The following XRN2 variants were observed in gnomAD, a reference collection of about 807,000 sequenced individuals.
The protein encoded by XRN2 is DHM1-like protein.
In XRN2, 44 loss-of-function variants were observed where a neutral mutation model predicts 138.5. The observed-to-expected ratio is 0.32, with a 90% CI of 0.25 to 0.41. The LOEUF (loss-of-function observed/expected upper bound fraction) is 0.41, where lower values mean the gene tolerates loss of function less well. Among genes scored for constraint, XRN2 ranks in the 10% least tolerant of loss-of-function variants. XRN2 has a pLI of 1.00. For missense variants in XRN2, 937 were observed against 1,169.3 expected (o/e 0.80, Z 2.90); for synonymous variants, 354 against 369.4 (o/e 0.96, Z 0.48).
Position 21,326,477 on chromosome 20 carries a change from G to T in XRN2, c.204-13G>T, listed in dbSNP as rs759547235. The T allele has an allele frequency of 4.1e-5, 66 of 1,613,736 alleles. No individual in the cohort carries two copies. Among genetic ancestry groups the T allele is most frequent in the Non-Finnish European group, 5.4e-5 (64 of 1,179,894 alleles). ...ACATTATATTATATTACATTGTTTGGTTGTCATTATAGACCAGCACCAAAA... is the reference window on the plus strand; with the variant it reads ...ACATTATATTATATTACATTGTTTGTTTGTCATTATAGACCAGCACCAAAA... On this transcript the variant is annotated splice_polypyrimidine_tract_variant and intron_variant, in intron 2 of 29. Transcript: ENST00000377191.
chr20:21,326,534 A>G lies in XRN2; in HGVS notation c.248A>G (p.Glu83Gly), dbSNP rs200799558. 9.9e-6 allele frequency: 16 copies of G among 1,614,008 alleles called. No individual in the cohort carries two copies. The highest frequency in any genetic ancestry group is 8.8e-5 in the South Asian group (8 of 91,080). The change falls in exon 3 of 30, where the codon GAG (glutamate) becomes GGG (glycine). Residue 83 changes from glutamate (E) to glycine (G), a missense_variant. Around this residue, in one of 6 missense-constraint regions of XRN2, gnomAD observed 51 missense variants for 93.5 expected, o/e 0.55. Transcript: ENST00000377191. ...NEDEMMVAIF[E>G]YIDRLFSIVR... is the part of the protein sequence containing the mutation. The stretch of plus-strand genomic sequence containing the variant: ...GATGAAATGATGGTTGCAATTTTTG[A>G]GTACATTGACAGACTTTTCAGTATT...
At chr20:21,353,231 T>C (rs1402871243) in intron 20 of XRN2, among the ~76,000 whole-genome samples, 1 of 21,020 alleles carries the variant, frequency 4.8e-5, no homozygotes, top group Admixed American at 7.6e-4. Context: ...AGGATATATA[T>C]ATATATATAT....
chr20:21,331,027 A>T (rs1247493498), intron 6 of XRN2, among the ~76,000 whole-genome samples: 2 of 152,206 alleles, frequency 1.3e-5, no homozygotes, highest in African/African-American at 4.8e-5. Context: ...ATATACAGCA[A>T]AATTAGTAAG....
At chr20:21,334,043 A>G (rs1176784728) in intron 12 of XRN2, 35 bp from the exon 13 acceptor site, 1 of 1,613,880 alleles carries the variant, frequency 6.2e-7, no homozygotes, top group Admixed American at 1.7e-5. Flanking sequence ...TGCTTTTATA[A>G]GAAGATCATT....
intron 20 of XRN2, among the ~76,000 whole-genome samples, chr20:21,353,807 A>AC (rs1374393994): frequency 1.3e-5 from 2 of 151,646 alleles, no homozygotes; most frequent in Non-Finnish European, 2.9e-5. Flanking sequence ...AAAAAAAAAA[A>AC]AAACAACTGT....
intron 28 of XRN2, among the ~76,000 whole-genome samples, chr20:21,382,289 T>A (rs2038894441): frequency 6.6e-6 from 1 of 152,254 alleles, no homozygotes; most frequent in African/African-American, 2.4e-5. Flanking sequence ...ATTTTATTGA[T>A]GCTTTTGAGA....
At chr20:21,383,715 CATT>C (rs750239305) in intron 28 of XRN2, among the ~76,000 whole-genome samples, 7 of 152,198 alleles carry the variant, frequency 4.6e-5, no homozygotes, top group Admixed American at 2.6e-4. Flanking sequence ...AGATCATCAT[CATT>C]GTCCCTTCCC....
At chr20:21,376,155 A>T (rs1274461038) in intron 27 of XRN2, among the ~76,000 whole-genome samples, 5 of 149,690 alleles carry the variant, frequency 3.3e-5, no homozygotes, top group Non-Finnish European at 7.4e-5. Flanking sequence ...GTTATTTTTT[A>T]AAAGTTCTTG....
chr20:21,326,565 A>G lies in XRN2; in HGVS notation c.279A>G (p.Arg93=), dbSNP rs1212547573. Residue 93 remains arginine, a synonymous_variant, in exon 3 of 30, where the codon AGA becomes AGG. Coordinates refer to ENST00000377191, the MANE Select transcript of XRN2 (RefSeq NM_012255.5). ...EYIDRLFSIV[R]PRRLLYMAID... ...TTGACAGACTTTTCAGTATTGTAAGACCAAGAAGACTTCTCTACATGGCAA... is the reference window on the plus strand; with the variant it reads ...TTGACAGACTTTTCAGTATTGTAAGGCCAAGAAGACTTCTCTACATGGCAA... 2 of 1,613,924 alleles carry G rather than the reference A, an allele frequency of 1.2e-6. No individual in the cohort carries two copies. The highest frequency in any genetic ancestry group is 1.7e-6 in the Non-Finnish European group (2 of 1,179,968).
At position 21,358,075 on chromosome 20, in the gene XRN2, A is replaced by G. The variant is rs535398767; in HGVS notation, c.2255+283A>G. 1.1e-3 allele frequency among the ~76,000 whole-genome samples: 174 copies of G among 152,306 alleles called. 1 individual carries two copies. Among genetic ancestry groups the G allele is most frequent in the African/African-American group, 3.8e-3 (156 of 41,582 alleles). Reference sequence around the variant, plus strand: ...AGGCAAGTGGGAGGTAAAGAGTAGGAGTATCTAGCAGTTTGTTATATAGGA... The same window carrying G: ...AGGCAAGTGGGAGGTAAAGAGTAGGGGTATCTAGCAGTTTGTTATATAGGA... On this transcript the variant is annotated intron_variant, in intron 24 of 29. Coordinates refer to ENST00000377191, the MANE Select transcript of XRN2 (RefSeq NM_012255.5).
rs2038728322 is a variant in XRN2, at chr20:21,368,533, G to A, written c.2527G>A (p.Gly843Arg). 3 of 1,613,982 alleles carry A rather than the reference G, an allele frequency of 1.9e-6. No homozygotes were observed. In the Admixed American group the frequency reaches 5.0e-5, roughly 27 times the overall value. ...NAAPPPVTYQ[G>R]NLYRPLLRGQ... ...TGCACCACCACCTGTGACTTACCAG[G>A]GAAACTTATACAGGCCGCTTTTGAG... Residue 843 changes from glycine (G) to arginine (R), a missense_variant, in exon 27 of 30, where the codon GGA becomes AGA. Physicochemically the swap from Gly to Arg is moderately radical, Grantham distance 125 (BLOSUM62 -2). This residue lies in a region of XRN2 where 372 missense variants were observed against 414.4 expected (regional missense o/e 0.90). Coordinates refer to ENST00000377191, the MANE Select transcript of XRN2 (RefSeq NM_012255.5).
intron 7 of XRN2, 34 bp from the exon 8 acceptor site, chr20:21,331,734 T>C (rs2038212554): frequency 1.9e-6 from 3 of 1,592,900 alleles, no homozygotes; most frequent in African/African-American, 1.4e-5. Context: ...GTATATAATA[T>C]ATTAATATAA....
intron 4 of XRN2, 54 bp downstream of exon 4, chr20:21,328,724 A>G: frequency 6.5e-7 from 1 of 1,530,408 alleles, no homozygotes. Flanking sequence ...ATGCAGAATG[A>G]GGGGGTGGTG....
rs184041723 is a variant in XRN2 at position 21,348,906 on chromosome 20, G to A, written c.1863+476G>A. Among the ~76,000 whole-genome samples, 459 of 152,266 alleles carry A rather than the reference G, an allele frequency of 3.0e-3. 3 individuals are homozygous for A. The highest frequency in any genetic ancestry group is 4.1e-3 in the Non-Finnish European group (282 of 68,026). ...GATCTGCCCACCTCGGCCTCCCAAA[G>A]TGCTGGGATTACAGGCGTGAGCCAC... On this transcript the variant is annotated intron_variant, in intron 19 of 29. Coordinates refer to ENST00000377191, the MANE Select transcript of XRN2 (RefSeq NM_012255.5).
chr20:21,348,144 A>G lies in XRN2; in HGVS notation c.1666-2A>G. 1.2e-6 allele frequency: 2 copies of G among 1,605,332 alleles called. No homozygotes were observed. Among genetic ancestry groups the G allele is most frequent in the Non-Finnish European group, 1.7e-6 (2 of 1,177,650 alleles). ...TTGTTGTTACTTTTTTAATGATTCT[A>G]GGGCTGTGCTTCCTGGAAGTGGTAT... On this transcript the variant is annotated splice_acceptor_variant, in intron 17 of 29. Transcript: ENST00000377191. LOFTEE classifies it high-confidence loss of function.
intron 1 of XRN2, among the ~76,000 whole-genome samples, chr20:21,313,186 C>T (rs889048340): frequency 6.6e-6 from 1 of 152,198 alleles, no homozygotes; most frequent in Admixed American, 6.5e-5. Context: ...TGCAGTTCTT[C>T]AAGTGAAGAA....
intron 27 of XRN2, among the ~76,000 whole-genome samples, chr20:21,376,331 G>C (rs2038822611): frequency 6.6e-6 from 1 of 152,078 alleles, no homozygotes; most frequent in Non-Finnish European, 1.5e-5. Flanking sequence ...CTCCAGCCTG[G>C]GTAACAGCAA....
Position 21,326,318 on chromosome 20 carries a change from A to G in XRN2, c.115A>G (p.Ser39Gly), listed in dbSNP as rs2038128008. Residue 39 changes from serine to glycine, a missense_variant, in exon 2 of 30, where the codon AGT becomes GGT. Physicochemically the swap from Ser to Gly is moderately conservative, Grantham distance 56 (BLOSUM62 0). Around this residue, in one of 6 missense-constraint regions of XRN2, gnomAD observed 51 missense variants for 93.5 expected, o/e 0.55. Coordinates refer to ENST00000377191, the MANE Select transcript of XRN2 (RefSeq NM_012255.5). ...TGGTGTAAAGATTCCAGTTGATGCC[A>G]GTAAACCTAATCCAAATGATGTGGA... The part of the protein sequence containing the change: ...CNGVKIPVDA[S>G]KPNPNDVEFD... 18 of 1,613,874 alleles carry G rather than the reference A, an allele frequency of 1.1e-5. No individual in the cohort carries two copies. Among genetic ancestry groups the G allele is most frequent in the Non-Finnish European group, 1.5e-5 (18 of 1,179,846 alleles).
rs1365587739 is a variant in XRN2, at chr20:21,330,620, C to T, written c.491C>T (p.Thr164Ile). 1.2e-6 allele frequency: 2 copies of T among 1,613,630 alleles called. No homozygotes were observed. The highest frequency in any genetic ancestry group is 1.7e-6 in the Non-Finnish European group (2 of 1,179,958). Residue 164 changes from threonine (T) to isoleucine (I), a missense_variant, in exon 6 of 30, where the codon ACT becomes ATT. By Grantham distance (89) the Thr-to-Ile change is moderately conservative (BLOSUM62 -1). Coordinates refer to ENST00000377191, the MANE Select transcript of XRN2 (RefSeq NM_012255.5). ...TATTTCTTTCTATCATTTTAGGGAA[C>T]TGAATTCATGGACAATCTTGCTAAA... is the stretch of plus-strand genomic sequence containing the variant. ...RFDSNCITPG[T>I]EFMDNLAKCL...
Sources: allele counts gnomAD v4.1 joint callset (sites outside exome capture counted in the v4.1 genomes callset), GRCh38; gene constraint gnomAD v4.1.1; regional missense constraint gnomAD v4.1.1; transcripts MANE v1.5; gene names NCBI Gene and HGNC (gene_info 2026-07-23, HGNC 2026-07-21).